The following HFM1 variants were observed in gnomAD, a reference collection of about 807,000 sequenced individuals.
HFM1 encodes helicase for meiosis 1.
HFM1 carries 169 observed loss-of-function variants against 192.1 expected under a neutral mutation model. The ratio of observed to expected loss-of-function variants is 0.88; its 90% CI spans 0.78 to 1.00. The LOEUF is 1.00. Among genes scored for constraint, HFM1 ranks in the 50% least tolerant of loss-of-function variants. The pLI is 0.00. For synonymous variants in HFM1, 525 were observed against 537.8 expected, an observed-to-expected ratio of 0.98 and a Z score of 0.33; for missense variants, 1,661 against 1,668.0, an observed-to-expected ratio of 1.00 and a Z score of 0.07.
At chr1:91,399,477 G>A (rs1263001442) in intron 2 of HFM1, among the ~76,000 whole-genome samples, 1 of 152,152 alleles carries the variant, frequency 6.6e-6, no homozygotes, top group African/African-American at 2.4e-5. Context: ...AACCCACAGT[G>A]AATTATATCC....
intron 25 of HFM1, among the ~76,000 whole-genome samples, chr1:91,317,454 T>A (rs1651431505): frequency 6.6e-6 from 1 of 152,096 alleles, no homozygotes; most frequent in African/African-American, 2.4e-5. Flanking sequence ...CAAGTTCATT[T>A]TCTTCTTTGG....
chr1:91,403,851 T>G (rs1664564719), intron 1 of HFM1, among the ~76,000 whole-genome samples: 1 of 152,206 alleles, frequency 6.6e-6, no homozygotes, highest in Non-Finnish European at 1.5e-5. Flanking sequence ...AATTCACCAT[T>G]TTGTCTTCTG....
intron 13 of HFM1, among the ~76,000 whole-genome samples, chr1:91,368,096 G>C (rs1400541760): frequency 2.0e-5 from 3 of 152,210 alleles, no homozygotes; most frequent in Admixed American, 2.0e-4. Flanking sequence ...ATGGGACTAT[G>C]TGAAAAGACC....
intron 30 of HFM1, among the ~76,000 whole-genome samples, chr1:91,291,410 A>T (rs1447382948): frequency 6.6e-6 from 1 of 152,202 alleles, no homozygotes; most frequent in Non-Finnish European, 1.5e-5. Flanking sequence ...ACCATCAGAT[A>T]ATACTACAAA....
At chr1:91,384,747 CTTTTT>C (rs11295340) in intron 6 of HFM1, among the ~76,000 whole-genome samples, 1 of 134,582 alleles carries the variant, frequency 7.4e-6, no homozygotes, top group Admixed American at 7.4e-5. Flanking sequence ...ACACATACAT[CTTTTT>C]TTTTTTTTTT....
In HFM1 at chr1:91,404,783, G is replaced by A. The variant is rs766186634; in HGVS notation, c.-28+15C>T. On this transcript the variant is annotated intron_variant, in intron 1 of 38. Coordinates refer to ENST00000370425, the MANE Select transcript of HFM1 (RefSeq NM_001017975.6). ...TCCCCACCTTCCCCGCGGGCGTCCG[G>A]GCCCCTCTCCTCACCTCCCTGCGGA... 3 of 446,030 alleles carry A rather than the reference G, an allele frequency of 6.7e-6. No individual in the cohort carries two copies. The highest frequency in any genetic ancestry group is 3.2e-5 in the South Asian group (2 of 63,272). 27.6% of individuals were successfully genotyped at this position (446,030 alleles called of 1,614,324 possible).
chr1:91,373,675 C>T (rs971478368), intron 13 of HFM1, among the ~76,000 whole-genome samples: 2 of 151,792 alleles, frequency 1.3e-5, no homozygotes, highest in Admixed American at 6.6e-5. Flanking sequence ...CTGCTCTCAC[C>T]ATGTGATACA....
At chr1:91,306,202 G>A (rs1649579856) in intron 30 of HFM1, among the ~76,000 whole-genome samples, 1 of 151,928 alleles carries the variant, frequency 6.6e-6, no homozygotes, top group Admixed American at 6.6e-5. Context: ...GCGTGGTGGT[G>A]CATGCCTGTA....
chr1:91,313,169 A>G (rs1046161570), intron 30 of HFM1, among the ~76,000 whole-genome samples, 180 bp downstream of exon 30: 7 of 152,176 alleles, frequency 4.6e-5, no homozygotes, highest in Admixed American at 1.3e-4. Context: ...CCATTACCCC[A>G]ATTTGACAAA....
intron 4 of HFM1, among the ~76,000 whole-genome samples, chr1:91,389,630 A>T (rs1171583368): frequency 1.3e-5 from 2 of 151,972 alleles, no homozygotes; most frequent in African/African-American, 4.8e-5. Context: ...TGGCACTCTG[A>T]TTTCTGACTT....
rs1661169049 is a variant in HFM1 at position 91,378,410 on chromosome 1, A to T, written c.1229T>A (p.Ile410Asn). 1.9e-6 allele frequency: 3 copies of T among 1,598,542 alleles called. No individual in the cohort carries two copies. Among genetic ancestry groups the T allele is most frequent in the Non-Finnish European group, 2.6e-6 (3 of 1,168,166 alleles). Residue 410 changes from isoleucine (I) to asparagine (N), a missense_variant, in exon 10 of 39, where the codon ATT becomes AAT. Physicochemically the swap from Ile to Asn is moderately radical, Grantham distance 149 (BLOSUM62 -3). Coordinates refer to ENST00000370425, the MANE Select transcript of HFM1 (RefSeq NM_001017975.6). ...SLVQLVRLFLIDEVHIVKDEN... is the reference protein window; with the variant it reads ...SLVQLVRLFLNDEVHIVKDEN... ...AGCGAATGCATTCATTACCTCATCA[A>T]TGAGAAACAGTCGAACCAGCTGAAC...
At chr1:91,361,302 C>A (rs565824767) in intron 13 of HFM1, among the ~76,000 whole-genome samples, 1 of 151,316 alleles carries the variant, frequency 6.6e-6, no homozygotes, top group African/African-American at 2.4e-5. Context: ...ATATAGACTG[C>A]TAGCTAGACT....
intron 6 of HFM1, among the ~76,000 whole-genome samples, chr1:91,383,852 T>C (rs921717421): frequency 1.3e-5 from 2 of 152,166 alleles, no homozygotes; most frequent in African/African-American, 4.8e-5. Flanking sequence ...AGGCGATAGA[T>C]ACATTAATTA....
intron 20 of HFM1, among the ~76,000 whole-genome samples, chr1:91,327,676 C>T (rs1653121180): frequency 6.6e-6 from 1 of 152,170 alleles, no homozygotes; most frequent in Non-Finnish European, 1.5e-5. Flanking sequence ...CTGCAGAATA[C>T]ACATCTTTCT....
At chr1:91,320,517 TG>T (rs1651934546) in intron 23 of HFM1, among the ~76,000 whole-genome samples, 1 of 152,186 alleles carries the variant, frequency 6.6e-6, no homozygotes, top group Admixed American at 6.5e-5. Flanking sequence ...GATGCACAAA[TG>T]TGGAGTAAGA....
intron 30 of HFM1, among the ~76,000 whole-genome samples, chr1:91,280,194 T>G (rs1470658179): frequency 6.6e-6 from 1 of 152,046 alleles, no homozygotes; most frequent in Non-Finnish European, 1.5e-5. Context: ...GCTGTTCTGG[T>G]CAGGAACGTT....
chr1:91,316,715 C>T (rs1014347950), intron 25 of HFM1, among the ~76,000 whole-genome samples: 18 of 152,092 alleles, frequency 1.2e-4, no homozygotes, highest in Admixed American at 6.5e-4. Context: ...AAGAGAAACT[C>T]TGGTCCACAT....
chr1:91,385,815 T>A lies in HFM1; in HGVS notation c.514A>T (p.Asn172Tyr). 6.3e-7 allele frequency: 1 copy of A among 1,599,176 alleles called. No individual in the cohort carries two copies. The highest frequency in any genetic ancestry group is 8.5e-7 in the Non-Finnish European group (1 of 1,171,694). The stretch of plus-strand genomic sequence containing the variant: ...TTAGAATAAGCACTCCCATGTATAT[T>A]GTCAGATATTTTAAATAATCTGCAA... Reference protein sequence around the residue: ...FRKRLFKISDNIHGSAYSNDN... With the variant: ...FRKRLFKISDYIHGSAYSNDN... The change falls in exon 5 of 39, where the codon AAT (asparagine) becomes TAT (tyrosine). Residue 172 changes from asparagine (N) to tyrosine (Y), a missense_variant. Coordinates refer to ENST00000370425, the MANE Select transcript of HFM1 (RefSeq NM_001017975.6).
chr1:91,345,902 C>T (rs1571036002), intron 19 of HFM1, among the ~76,000 whole-genome samples: 1 of 152,268 alleles, frequency 6.6e-6, no homozygotes, highest in African/African-American at 2.4e-5. Context: ...AGATAATACC[C>T]TTTTTGTCCA....
Sources: gnomAD v4.1 joint callset for allele counts (sites outside exome capture counted in the v4.1 genomes callset) on GRCh38, gnomAD v4.1.1 for gene constraint, MANE v1.5 for transcripts, NCBI Gene and HGNC (gene_info 2026-07-23, HGNC 2026-07-21) for gene names.